Variants in CNIH2 observed in about 807,000 individuals in gnomAD.
The protein encoded by CNIH2 is protein cornichon homolog 2.
In CNIH2, 8 loss-of-function variants were observed where a neutral mutation model predicts 22.9. The observed-to-expected ratio is 0.35, with a 90% CI of 0.20 to 0.63. CNIH2 has a LOEUF of 0.63. Among genes scored for constraint, CNIH2 ranks in the 30% least tolerant of loss-of-function variants. The probability of loss-of-function intolerance (pLI) is 0.72; values close to 1 mark genes in which losing one functional copy is unlikely to be tolerated. For synonymous variants in CNIH2, 74 were observed against 78.2 expected (o/e 0.95, Z 0.28); for missense variants, 105 against 206.2 (o/e 0.51, Z 3.01).
At chr11:66,280,872 C>T (rs940130630) in intron 1 of CNIH2, among the ~76,000 whole-genome samples, 1 of 152,066 alleles carries the variant, frequency 6.6e-6, no homozygotes, top group Non-Finnish European at 1.5e-5. Flanking sequence ...GGGCCTGCTG[C>T]CTCATCCTAG....
At position 66,283,128 on chromosome 11, in the gene CNIH2, C is replaced by G; in HGVS notation, c.292C>G (p.Leu98Val). 1 of 1,613,940 alleles carries G rather than the reference C, an allele frequency of 6.2e-7. No individual in the cohort carries two copies. Among genetic ancestry groups the G allele is most frequent in the Non-Finnish European group, 8.5e-7 (1 of 1,179,922 alleles). The change falls in exon 4 of 6, where the codon CTC becomes GTC. Residue 98 changes from leucine (L) to valine (V), a missense_variant. Leu to Val is a conservative substitution (Grantham distance 32). Coordinates refer to ENST00000311445, the MANE Select transcript of CNIH2 (RefSeq NM_182553.3). The part of the protein sequence containing the change: ...WVTLGLNIPL[L>V]FYHLWRYFHR... Reference sequence around the variant, plus strand: ...GACCCTGGGCCTCAACATCCCCCTCCTCTTCTACCACCTCTGGAGGTGAGG... The same window carrying G: ...GACCCTGGGCCTCAACATCCCCCTCGTCTTCTACCACCTCTGGAGGTGAGG...
intron 1 of CNIH2, among the ~76,000 whole-genome samples, chr11:66,279,099 C>T (rs989250081): frequency 6.6e-6 from 1 of 151,368 alleles, no homozygotes; most frequent in African/African-American, 2.4e-5. Context: ...CCCCCACCAC[C>T]GGCTCACCTT....
At chr11:66,282,605 CCCGGCCGTG>C in intron 2 of CNIH2, 119 bp from the exon 3 acceptor site, 1 of 1,161,264 alleles carries the variant, frequency 8.6e-7, no homozygotes. Flanking sequence ...GCGGCTGCTT[CCCGGCCGTG>C]CCGACAGTGC....
chr11:66,279,657 T>C (rs969482116), intron 1 of CNIH2, among the ~76,000 whole-genome samples: 4 of 152,006 alleles, frequency 2.6e-5, no homozygotes, highest in Non-Finnish European at 5.9e-5. Context: ...TTTCCCGGGC[T>C]CTCCACTTCC....
intron 3 of CNIH2, 113 bp from the exon 4 acceptor site, chr11:66,282,922 T>G: frequency 5.2e-6 from 7 of 1,345,756 alleles, no homozygotes; most frequent in Non-Finnish European, 7.4e-6. Flanking sequence ...GGCCTTTTAA[T>G]CCCCAGAGGT....
intron 1 of CNIH2, among the ~76,000 whole-genome samples, chr11:66,278,812 TG>T (rs1202938338): frequency 2.9e-5 from 4 of 138,290 alleles, no homozygotes; most frequent in Non-Finnish European, 6.2e-5. Context: ...GCCCGTGAGG[TG>T]GGGGGTGGAA....
At chr11:66,280,772 G>C (rs1388488122) in intron 1 of CNIH2, among the ~76,000 whole-genome samples, 1 of 152,146 alleles carries the variant, frequency 6.6e-6, no homozygotes, top group Non-Finnish European at 1.5e-5. Flanking sequence ...GGGCGGGGAG[G>C]GGGGATGATC....
rs570157966 is a variant in CNIH2 at position 66,283,756 on chromosome 11, C to G, written c.*159C>G. 4.1e-5 allele frequency: 30 copies of G among 740,208 alleles called. No individual in the cohort carries two copies. The highest frequency in any genetic ancestry group is 1.8e-4 in the South Asian group (10 of 54,338). The allele number at this position is 740,208 out of a possible 1,614,324, so 45.9% of individuals were successfully genotyped here. On this transcript the variant is annotated 3_prime_UTR_variant, in exon 6 of 6. Coordinates refer to ENST00000311445, the MANE Select transcript of CNIH2 (RefSeq NM_182553.3). ...AACTGCTGCTGCGGGGAACCCCCCC[C>G]ACCCCGCCTTCAGAGCCCTCCCCCT...
chr11:66,281,785 C>T (rs1857262126), intron 1 of CNIH2, among the ~76,000 whole-genome samples: 1 of 152,002 alleles, frequency 6.6e-6, no homozygotes, highest in Non-Finnish European at 1.5e-5. Flanking sequence ...CCCCCATTTG[C>T]TCACCAACAC....
chr11:66,282,423 T>TGTGGGGGGGGGGGGGGG, intron 2 of CNIH2, 96 bp downstream of exon 2: 1 of 147,056 alleles, frequency 6.8e-6, no homozygotes, highest in Non-Finnish European at 1.3e-5. Context: ...GGGGGTGGGG[T>TGTGGGGGGGGGGGGGGG]GGGGGGCCTA....
intron 1 of CNIH2, among the ~76,000 whole-genome samples, chr11:66,278,765 G>A (rs1360082913): frequency 7.0e-6 from 1 of 143,298 alleles, no homozygotes; most frequent in Non-Finnish European, 1.5e-5. Flanking sequence ...GTCGGTCTCT[G>A]ACCCCCTCCT....
In CNIH2 at chr11:66,278,382, C is replaced by A; in HGVS notation, c.-75C>A. The A allele has an allele frequency of 1.9e-6, 1 of 522,778 alleles. No homozygotes were observed. Among genetic ancestry groups the A allele is most frequent in the Non-Finnish European group, 2.5e-6 (1 of 405,744 alleles). 32.4% of individuals were successfully genotyped at this position (522,778 alleles called of 1,614,324 possible). A position where few individuals can be genotyped will look rare whatever the true frequency, so the allele number is the denominator to read the frequency against. ...CGGGCCATGCCCGGCCGGCCCTAAGCGCGGGCCGGGGGGCGTCCCCTTGCG... is the reference window on the plus strand; with the variant it reads ...CGGGCCATGCCCGGCCGGCCCTAAGAGCGGGCCGGGGGGCGTCCCCTTGCG... On this transcript the variant is annotated 5_prime_UTR_variant, in exon 1 of 6. Coordinates refer to ENST00000311445, the MANE Select transcript of CNIH2 (RefSeq NM_182553.3).
chr11:66,280,100 G>A (rs1857237611), intron 1 of CNIH2, among the ~76,000 whole-genome samples: 1 of 152,178 alleles, frequency 6.6e-6, no homozygotes, highest in South Asian at 2.1e-4. Context: ...CCCCTGTGGG[G>A]TCCCTGTCCT....
Position 66,278,247 on chromosome 11 carries a change from C to G in CNIH2, c.-210C>G, listed in dbSNP as rs1339707083. The G allele has an allele frequency of 6.8e-6, 1 of 147,558 alleles. No homozygotes were observed. Among genetic ancestry groups the G allele is most frequent in the African/African-American group, 2.4e-5 (1 of 40,970 alleles). The allele number at this position is 147,558 out of a possible 1,614,324, so 9.1% of individuals were successfully genotyped here. On this transcript the variant is annotated 5_prime_UTR_variant, in exon 1 of 6. Transcript: ENST00000311445. ...GATCGCAGGATGAGCGATCGGGGCC[C>G]GGGCAGCCGGCAGCGGACGCGCCCC...
intron 1 of CNIH2, chr11:66,281,555 C>A (rs1487354215): frequency 4.5e-6 from 2 of 440,224 alleles, no homozygotes; most frequent in Middle Eastern, 3.4e-4. Context: ...AATGCCTCCC[C>A]CCAAAATTTT....
In CNIH2 at chr11:66,283,560, C is replaced by G. The variant is rs142635924; in HGVS notation, c.456-10C>G. On this transcript the variant is annotated splice_polypyrimidine_tract_variant and intron_variant, in intron 5 of 5. Transcript: ENST00000311445. ...TGCAGGGCTAGGCTCACTGGCTCAT[C>G]TTCCTACAGTATGGTTTATACGTTG... 8.2e-5 allele frequency: 131 copies of G among 1,595,808 alleles called. No individual in the cohort carries two copies. The highest frequency in any genetic ancestry group is 5.0e-4 in the Middle Eastern group (3 of 6,036).
At chr11:66,282,903 G>C in intron 3 of CNIH2, 123 bp downstream of exon 3, 2 of 1,375,492 alleles carry the variant, frequency 1.5e-6, no homozygotes, top group African/African-American at 1.4e-5. Flanking sequence ...GAGGGAGTGG[G>C]AAGCCAGAGG....
intron 5 of CNIH2, 44 bp from the exon 6 acceptor site, chr11:66,283,526 C>T (rs754671191): frequency 3.1e-6 from 5 of 1,605,630 alleles, no homozygotes; most frequent in Non-Finnish European, 3.4e-6. Flanking sequence ...ATCTGGGTGG[C>T]TGTGTGTGTG....
In CNIH2 at chr11:66,278,417, C is replaced by A. The variant is rs1342396111; in HGVS notation, c.-40C>A. 6 of 1,035,444 alleles carry A rather than the reference C, an allele frequency of 5.8e-6. No homozygotes were observed. The highest frequency in any genetic ancestry group is 2.4e-6 in the Non-Finnish European group (2 of 846,162). The allele number at this position is 1,035,444 out of a possible 1,614,324, so 64.1% of individuals were successfully genotyped here. A position where few individuals can be genotyped will look rare whatever the true frequency, so the allele number is the denominator to read the frequency against. ...GGGGCGTCCCCTTGCGCCCGGGCCCCGCGCTGGCGCCCCCCGGGCCGCCGC... is the reference window on the plus strand; with the variant it reads ...GGGGCGTCCCCTTGCGCCCGGGCCCAGCGCTGGCGCCCCCCGGGCCGCCGC... On this transcript the variant is annotated 5_prime_UTR_variant, in exon 1 of 6. Coordinates refer to ENST00000311445, the MANE Select transcript of CNIH2 (RefSeq NM_182553.3).
Sources: gnomAD v4.1 joint callset for allele counts (sites outside exome capture counted in the v4.1 genomes callset) on GRCh38, gnomAD v4.1.1 for gene constraint, MANE v1.5 for transcripts, NCBI Gene and HGNC (gene_info 2026-07-23, HGNC 2026-07-21) for gene names.